Variants in TMEM132D observed in about 807,000 individuals in gnomAD.
TMEM132D encodes mature OL transmembrane protein.
Under a neutral mutation model 62.3 loss-of-function variants are expected in TMEM132D, and 21 were observed. The ratio of observed to expected loss-of-function variants is 0.34; its 90% CI spans 0.24 to 0.49. The LOEUF (loss-of-function observed/expected upper bound fraction) is 0.49, where lower values mean the gene tolerates loss of function less well. Among genes scored for constraint, TMEM132D ranks in the 20% least tolerant of loss-of-function variants. TMEM132D has a pLI of 0.99. For missense variants in TMEM132D, 1,346 were observed against 1,402.8 expected (o/e 0.96, Z 0.65); for synonymous variants, 621 against 575.6 (o/e 1.08, Z -1.13).
At chr12:129,642,779 G>A (rs1315265273) in intron 2 of TMEM132D, among the ~76,000 whole-genome samples, 1 of 152,158 alleles carries the variant, frequency 6.6e-6, no homozygotes, top group Non-Finnish European at 1.5e-5. Flanking sequence ...AGCACTGTTA[G>A]AAAACTCTTC....
intron 3 of TMEM132D, among the ~76,000 whole-genome samples, chr12:129,377,491 T>C (rs144003893): frequency 9.9e-4 from 150 of 152,280 alleles, no homozygotes; most frequent in African/African-American, 3.3e-3. Flanking sequence ...AATTTCTCCA[T>C]CTCCATCGAG....
intron 3 of TMEM132D, among the ~76,000 whole-genome samples, chr12:129,509,897 T>A (rs1207116009): frequency 6.6e-6 from 1 of 152,146 alleles, no homozygotes; most frequent in Non-Finnish European, 1.5e-5. Context: ...TGCTTCCAAA[T>A]CCTGGCTATC....
chr12:129,647,583 C>T (rs185139287), intron 2 of TMEM132D, among the ~76,000 whole-genome samples: 60 of 152,216 alleles, frequency 3.9e-4, no homozygotes, highest in African/African-American at 1.4e-3. Flanking sequence ...AGGAGAGTTC[C>T]CAGGATTCTT....
chr12:129,607,051 T>TTTTC (rs755623996), intron 2 of TMEM132D, among the ~76,000 whole-genome samples: 13 of 150,924 alleles, frequency 8.6e-5, no homozygotes, highest in African/African-American at 2.9e-4. Flanking sequence ...CTTAGTTTCT[T>TTTTC]TTTCTTTCTT....
rs1870638676 is a variant in TMEM132D at position 129,372,435 on chromosome 12, CCT to C, written c.1116-34620_1116-34619del. On this transcript the variant is annotated intron_variant, in intron 3 of 8. Coordinates refer to ENST00000422113, the MANE Select transcript of TMEM132D (RefSeq NM_133448.3). The stretch of plus-strand genomic sequence containing the variant: ...TGATGTTACCACCTGCATTCCATCT[CCT>C]GTCAGGTCAGGATCAGCAGTGGCAT... 5.9e-5 allele frequency among the ~76,000 whole-genome samples: 9 copies of C among 152,244 alleles called. No individual in the cohort carries two copies. In the South Asian group the frequency reaches 1.9e-3, roughly 32 times the overall value.
chr12:129,105,870 G>T (rs1357293787), intron 5 of TMEM132D, among the ~76,000 whole-genome samples: 3 of 150,776 alleles, frequency 2.0e-5, no homozygotes, highest in African/African-American at 7.5e-5. Flanking sequence ...GATTCCTCAG[G>T]GATCTAGAAC....
At chr12:129,835,108 C>A (rs956871117) in intron 1 of TMEM132D, among the ~76,000 whole-genome samples, 20 of 152,020 alleles carry the variant, frequency 1.3e-4, no homozygotes, top group African/African-American at 4.3e-4. Flanking sequence ...ATTTGAGGCT[C>A]AATAGCAAAG....
chr12:129,660,273 C>G (rs1880202540), intron 2 of TMEM132D, among the ~76,000 whole-genome samples: 1 of 151,642 alleles, frequency 6.6e-6, no homozygotes, highest in African/African-American at 2.4e-5. Context: ...GCTCTGAGAC[C>G]TCCTAGAGAA....
At chr12:129,505,733 T>C (rs951668784) in intron 3 of TMEM132D, among the ~76,000 whole-genome samples, 10 of 152,214 alleles carry the variant, frequency 6.6e-5, no homozygotes, top group Middle Eastern at 3.2e-3. Context: ...TTCAGGATTG[T>C]GATATTTTCC....
intron 3 of TMEM132D, 53 bp downstream of exon 3, chr12:129,531,006 T>G (rs76097998): frequency 2.3e-6 from 2 of 888,848 alleles, no homozygotes; most frequent in Non-Finnish European, 1.5e-6. Context: ...AAAAAAAAAA[T>G]CAGGCCACAT....
intron 1 of TMEM132D, among the ~76,000 whole-genome samples, chr12:129,790,553 G>A (rs891812277): frequency 1.3e-5 from 2 of 152,256 alleles, no homozygotes; most frequent in South Asian, 2.1e-4. Context: ...GCTTATCTCC[G>A]ATGTCCAGCT....
intron 1 of TMEM132D, among the ~76,000 whole-genome samples, chr12:129,801,732 A>T (rs989695341): frequency 6.6e-6 from 1 of 150,664 alleles, no homozygotes; most frequent in African/African-American, 2.4e-5. Context: ...AGACGATCAA[A>T]TTACTCTGAG....
intron 1 of TMEM132D, among the ~76,000 whole-genome samples, chr12:129,718,884 TTTAG>T (rs1868697658): frequency 6.6e-6 from 1 of 152,054 alleles, no homozygotes; most frequent in South Asian, 2.1e-4. Context: ...CTCAATACGT[TTTAG>T]TTAGTATATT....
At chr12:129,823,820 T>G (rs2137327342) in intron 1 of TMEM132D, among the ~76,000 whole-genome samples, 1 of 152,372 alleles carries the variant, frequency 6.6e-6, no homozygotes, top group East Asian at 1.9e-4. Context: ...CTTATAGGGC[T>G]TAATATAAGG....
chr12:129,702,291 A>G (rs754996001), intron 1 of TMEM132D, among the ~76,000 whole-genome samples: 25 of 152,168 alleles, frequency 1.6e-4, no homozygotes, highest in Middle Eastern at 3.4e-3. Context: ...CCAAATGACA[A>G]TTTCCTAGGG....
intron 3 of TMEM132D, among the ~76,000 whole-genome samples, chr12:129,431,618 G>A (rs1263465630): frequency 8.5e-5 from 13 of 152,112 alleles, no homozygotes; most frequent in East Asian, 1.9e-4. Flanking sequence ...TACAACAGCC[G>A]CCTGCTCATG....
chr12:129,233,563 G>A (rs1879703539), intron 4 of TMEM132D, among the ~76,000 whole-genome samples: 1 of 152,084 alleles, frequency 6.6e-6, no homozygotes, highest in African/African-American at 2.4e-5. Context: ...AATGTAACAT[G>A]GAAGCATAGC....
intron 3 of TMEM132D, among the ~76,000 whole-genome samples, chr12:129,514,080 C>G (rs1432108733): frequency 6.6e-6 from 1 of 151,502 alleles, no homozygotes; most frequent in Non-Finnish European, 1.5e-5. Context: ...ACCTTGTGAT[C>G]CGCCCGCCTC....
intron 5 of TMEM132D, among the ~76,000 whole-genome samples, chr12:129,102,177 A>G (rs1875331489): frequency 6.6e-6 from 1 of 152,198 alleles, no homozygotes; most frequent in African/African-American, 2.4e-5. Context: ...GCACAAAGGA[A>G]AGTAAACGAG....
Sources: allele counts gnomAD v4.1 joint callset (sites outside exome capture counted in the v4.1 genomes callset), GRCh38; gene constraint gnomAD v4.1.1; transcripts MANE v1.5; gene names NCBI Gene and HGNC (gene_info 2026-07-23, HGNC 2026-07-21).